The following REV3L variants were observed in gnomAD, a reference collection of about 807,000 sequenced individuals.
REV3L encodes REV3 like, DNA directed polymerase zeta catalytic subunit.
Under a neutral mutation model 299.4 loss-of-function variants are expected in REV3L, and 69 were observed. The ratio of observed to expected loss-of-function variants is 0.23; its 90% CI spans 0.19 to 0.28. The LOEUF is 0.28. Among genes scored for constraint, REV3L ranks in the 10% least tolerant of loss-of-function variants. The pLI, the probability that REV3L is intolerant of heterozygous loss-of-function variation, is 1.00. For missense variants in REV3L, 3,128 were observed against 3,693.8 expected, an observed-to-expected ratio of 0.85 and a Z score of 3.97; for synonymous variants, 1,238 against 1,271.4, an observed-to-expected ratio of 0.97 and a Z score of 0.56.
At chr6:111,365,149 C>A in intron 15 of REV3L, 116 bp downstream of exon 15, 2 of 625,524 alleles carry the variant, frequency 3.2e-6, no homozygotes, top group South Asian at 2.2e-5. Flanking sequence ...AATAATGATG[C>A]AAAAATTTAA....
At position 111,376,184 on chromosome 6, in the gene REV3L, T is replaced by C. The variant is rs1409143365; in HGVS notation, c.2171A>G (p.Asn724Ser). The change falls in exon 13 of 32, where the codon AAT becomes AGT. Residue 724 changes from asparagine to serine, a missense_variant. Physicochemically the swap from Asn to Ser is conservative, Grantham distance 46. Around this residue, in one of 9 missense-constraint regions of REV3L, gnomAD observed 2,409 missense variants for 2,611.8 expected, o/e 0.92. Transcript: ENST00000368802. ...CAGAGCTGTGCTGTTTCCTTTTTCA[T>C]TTCCTTCAGAGGATACTTTATTTTT... Reference protein sequence around the residue: ...HSKNKVSSEGNEKGNSTALSS... With the variant: ...HSKNKVSSEGSEKGNSTALSS... 1 of 1,612,270 alleles carries C rather than the reference T, an allele frequency of 6.2e-7. No homozygotes were observed. The highest frequency in any genetic ancestry group is 1.7e-5 in the Admixed American group (1 of 59,858).
Position 111,390,170 on chromosome 6 carries a change from A to T in REV3L, c.673T>A (p.Leu225Met), listed in dbSNP as rs772938788. 1.9e-6 allele frequency: 3 copies of T among 1,590,902 alleles called. No individual in the cohort carries two copies. The highest frequency in any genetic ancestry group is 3.3e-4 in the Middle Eastern group (2 of 5,976). Reference sequence around the variant, plus strand: ...GTACTCTGTGGTTCAACACCTTCCAATATTAAAGAGCTGCAATTAAAGGAT... The same window carrying T: ...GTACTCTGTGGTTCAACACCTTCCATTATTAAAGAGCTGCAATTAAAGGAT... ...EQDEIPSSLI[L>M]EGVEPQSTCE... Residue 225 changes from leucine (L) to methionine (M), a missense_variant, in exon 6 of 32, where the codon TTG (leucine) becomes ATG (methionine). By Grantham distance (15) the Leu-to-Met change is conservative. Coordinates refer to ENST00000368802, the MANE Select transcript of REV3L (RefSeq NM_001372078.1).
At chr6:111,308,771 A>T (rs1772629977) in intron 30 of REV3L, among the ~76,000 whole-genome samples, 1 of 152,276 alleles carries the variant, frequency 6.6e-6, no homozygotes, top group Non-Finnish European at 1.5e-5. Context: ...GCTACCATTG[A>T]AATTGTTGTG....
chr6:111,401,080 T>C (rs1021745327), intron 4 of REV3L, among the ~76,000 whole-genome samples: 1 of 152,196 alleles, frequency 6.6e-6, no homozygotes, highest in Admixed American at 6.5e-5. Context: ...CAAATATAGG[T>C]CTATTTCTGG....
chr6:111,447,730 G>T (rs1315066300), intron 1 of REV3L, among the ~76,000 whole-genome samples: 1 of 152,100 alleles, frequency 6.6e-6, no homozygotes, highest in Non-Finnish European at 1.5e-5. Context: ...ATAGGTGGCT[G>T]GACTGGATTT....
intron 1 of REV3L, 66 bp from the exon 2 acceptor site, chr6:111,416,538 A>C: frequency 7.8e-7 from 1 of 1,281,294 alleles, no homozygotes; most frequent in Non-Finnish European, 1.1e-6. Flanking sequence ...ACTCAGAATG[A>C]AACTCATTTA....
At chr6:111,315,943 T>C (rs1403815537) in intron 26 of REV3L, among the ~76,000 whole-genome samples, 3 of 152,124 alleles carry the variant, frequency 2.0e-5, no homozygotes, top group Non-Finnish European at 4.4e-5. Flanking sequence ...GCTAAAAAGG[T>C]TGGGGACTGC....
rs749050093 is a variant in REV3L at position 111,349,232 on chromosome 6, T to G, written c.7405A>C (p.Ile2469Leu). Reference sequence around the variant, plus strand: ...AAATCACCCACCTCATTTCTCATGATTCTCCAAAGATTTAGTGTAATTCGG... The same window carrying G: ...AAATCACCCACCTCATTTCTCATGAGTCTCCAAAGATTTAGTGTAATTCGG... The part of the protein sequence containing the change: ...VGRITLNLWR[I>L]MRNEVALTNY... Residue 2469 changes from isoleucine (I) to leucine (L), a missense_variant, in exon 20 of 32, where the codon ATC becomes CTC. Ile to Leu is a conservative substitution (Grantham distance 5). Coordinates refer to ENST00000368802, the MANE Select transcript of REV3L (RefSeq NM_001372078.1). 1.3e-6 allele frequency: 2 copies of G among 1,555,726 alleles called. No homozygotes were observed. The highest frequency in any genetic ancestry group is 1.8e-6 in the Non-Finnish European group (2 of 1,128,768).
chr6:111,480,424 A>C (rs936122641), intron 1 of REV3L, among the ~76,000 whole-genome samples: 30 of 152,186 alleles, frequency 2.0e-4, no homozygotes, highest in African/African-American at 7.2e-4. Flanking sequence ...TTATATTAAT[A>C]ATTTTCAAGT....
chr6:111,458,879 C>T (rs1239023582), intron 1 of REV3L, among the ~76,000 whole-genome samples: 1 of 151,112 alleles, frequency 6.6e-6, no homozygotes, highest in Non-Finnish European at 1.5e-5. Flanking sequence ...GCAGATTCAG[C>T]ATTATTCCTA....
rs144497761 is a variant in REV3L, at chr6:111,338,312, CTTTTTTTTTTTTTTTTTTTTT to C, written c.7539-2723_7539-2703del. 3.9e-3 allele frequency among the ~76,000 whole-genome samples: 185 copies of C among 47,946 alleles called. 3 individuals are homozygous for C. The highest frequency in any genetic ancestry group is 0.023 in the African/African-American group (174 of 7,720). The allele number at this position is 47,946 out of a possible 152,430, so 31.5% of individuals were successfully genotyped here. A position where few individuals can be genotyped will look rare whatever the true frequency, so the allele number is the denominator to read the frequency against. On this transcript the variant is annotated intron_variant, in intron 21 of 31. Coordinates refer to ENST00000368802, the MANE Select transcript of REV3L (RefSeq NM_001372078.1). ...TCTTTGTTTACTCCAGTCTAAAGTC[CTTTTTTTTTTTTTTTTTTTTT>C]TTTTTTTTTTTTTTTTTTTAAATAA...
chr6:111,420,879 C>T (rs1327707390), intron 1 of REV3L, among the ~76,000 whole-genome samples: 1 of 152,164 alleles, frequency 6.6e-6, no homozygotes, highest in Admixed American at 6.5e-5. Flanking sequence ...TGGTGGCTCA[C>T]GCCTGTAATC....
chr6:111,323,153 G>T (rs1358810792), intron 25 of REV3L, among the ~76,000 whole-genome samples: 6 of 152,048 alleles, frequency 3.9e-5, no homozygotes, highest in South Asian at 2.1e-4. Context: ...CACACCCAGA[G>T]AATTTTTGTA....
chr6:111,356,995 C>A lies in REV3L; in HGVS notation c.7184+19G>T. ...ACTCTCTGAATAAAACTGGAAAAATCAGATATACAAAACAATACCTCTTTA... is the reference window on the plus strand; with the variant it reads ...ACTCTCTGAATAAAACTGGAAAAATAAGATATACAAAACAATACCTCTTTA... On this transcript the variant is annotated intron_variant, in intron 18 of 31. Transcript: ENST00000368802. 7.5e-7 allele frequency: 1 copy of A among 1,332,880 alleles called. No homozygotes were observed. Among genetic ancestry groups the A allele is most frequent in the Non-Finnish European group, 1.0e-6 (1 of 955,424 alleles). The allele number at this position is 1,332,880 out of a possible 1,614,324, so 82.6% of individuals were successfully genotyped here.
intron 21 of REV3L, among the ~76,000 whole-genome samples, chr6:111,337,232 C>T (rs1775998258): frequency 6.6e-6 from 1 of 152,064 alleles, no homozygotes; most frequent in Non-Finnish European, 1.5e-5. Context: ...GAATTATATA[C>T]TTTAAATGGG....
intron 4 of REV3L, among the ~76,000 whole-genome samples, chr6:111,401,115 T>C (rs1448569752): frequency 6.6e-6 from 1 of 152,192 alleles, no homozygotes; most frequent in Non-Finnish European, 1.5e-5. Flanking sequence ...CATTGGTATA[T>C]GTGTTTATCT....
At position 111,373,201 on chromosome 6, in the gene REV3L, A is replaced by G; in HGVS notation, c.5154T>C (p.Ile1718=). ...KHHTTDSASW[I]RSGTLSPEIF... is the part of the protein sequence containing the mutation. ...TTTCAGGACTTAAAGTACCAGATCT[A>G]ATCCATGAGGCTGAGTCTGTGGTAT... Residue 1718 remains isoleucine, a synonymous_variant, in exon 13 of 32, where the codon ATT becomes ATC. Coordinates refer to ENST00000368802, the MANE Select transcript of REV3L (RefSeq NM_001372078.1). 1 of 1,614,124 alleles carries G rather than the reference A, an allele frequency of 6.2e-7. No homozygotes were observed. The highest frequency in any genetic ancestry group is 8.5e-7 in the Non-Finnish European group (1 of 1,180,000).
chr6:111,335,845 A>G lies in REV3L; in HGVS notation c.7539-235T>C, dbSNP rs77359866. ...AAAATTTAAAATAGTACTTGTGATTAGGTGGTAAGATTAAGGATCACTCTT... is the reference window on the plus strand; with the variant it reads ...AAAATTTAAAATAGTACTTGTGATTGGGTGGTAAGATTAAGGATCACTCTT... On this transcript the variant is annotated intron_variant, in intron 21 of 31. Transcript: ENST00000368802. Among the ~76,000 whole-genome samples the G allele has an allele frequency of 4.6e-5, 7 of 152,326 alleles. No homozygotes were observed. In the East Asian group the frequency reaches 1.3e-3, roughly 29 times the overall value.
chr6:111,326,250 T>C (rs186652477), intron 25 of REV3L, among the ~76,000 whole-genome samples: 59 of 152,210 alleles, frequency 3.9e-4, no homozygotes, highest in African/African-American at 1.4e-3. Flanking sequence ...ATGGGATTAA[T>C]AACCAGAATA....
Sources: gnomAD v4.1 joint callset for allele counts (sites outside exome capture counted in the v4.1 genomes callset) on GRCh38, gnomAD v4.1.1 for gene constraint, gnomAD v4.1.1 regional missense constraint, MANE v1.5 for transcripts, NCBI Gene and HGNC (gene_info 2026-07-23, HGNC 2026-07-21) for gene names.